MAPK4: variants seen among roughly 807,000 people sequenced by gnomAD.
MAPK4 encodes mitogen-activated protein kinase 4.
A neutral mutation model predicts 47.7 loss-of-function variants in MAPK4; 22 were observed. The observed-to-expected ratio is 0.46, with a 90% CI of 0.33 to 0.66. The LOEUF (loss-of-function observed/expected upper bound fraction) is 0.66, where lower values mean the gene tolerates loss of function less well. Ranked by LOEUF, MAPK4 falls within the 30% of genes least tolerant of loss-of-function variation. The pLI is 0.02. For synonymous variants in MAPK4, 390 were observed against 365.7 expected (o/e 1.07, Z -0.76); for missense variants, 736 against 831.7 (o/e 0.88, Z 1.42).
chr18:50,650,669 A>G (rs1260150469), intron 1 of MAPK4, among the ~76,000 whole-genome samples: 1 of 152,180 alleles, frequency 6.6e-6, no homozygotes, highest in Non-Finnish European at 1.5e-5. Flanking sequence ...CCTCACCAGG[A>G]CAGGGCTAAT....
intron 1 of MAPK4, among the ~76,000 whole-genome samples, chr18:50,607,245 A>G (rs546987570): frequency 1.3e-5 from 2 of 152,326 alleles, no homozygotes; most frequent in South Asian, 4.1e-4. Flanking sequence ...ACCACACGAC[A>G]TGAGTACTGT....
Position 50,729,844 on chromosome 18 carries a change from A to G in MAPK4, c.1754A>G (p.Glu585Gly). ...GTGCAGACCGAGGCCTTCTCCAAAG[A>G]AAGGTGGTGAGGGCGGAGGGGCCGC... ...DLVQTEAFSK[E>G]RW is the part of the protein sequence containing the mutation. Residue 585 changes from glutamate (E) to glycine (G), a missense_variant, in exon 6 of 6, where the codon GAA (glutamate) becomes GGA (glycine). By Grantham distance (98) the Glu-to-Gly change is moderately conservative. This residue lies in a region of MAPK4 where 377 missense variants were observed against 378.6 expected (regional missense o/e 1.00). Transcript: ENST00000400384. 1 of 1,610,396 alleles carries G rather than the reference A, an allele frequency of 6.2e-7. No individual in the cohort carries two copies. The highest frequency in any genetic ancestry group is 8.5e-7 in the Non-Finnish European group (1 of 1,178,570).
intron 2 of MAPK4, among the ~76,000 whole-genome samples, chr18:50,704,343 T>C (rs1480701804): frequency 6.6e-6 from 1 of 152,162 alleles, no homozygotes; most frequent in Non-Finnish European, 1.5e-5. Context: ...ACCCTGTCTC[T>C]ACAGAAAACA....
In MAPK4 at chr18:50,653,232, C is replaced by A. The variant is rs76407655; in HGVS notation, c.-870-9857C>A. On this transcript the variant is annotated intron_variant, in intron 1 of 5. Coordinates refer to ENST00000400384, the MANE Select transcript of MAPK4 (RefSeq NM_002747.4). ...AAGAACCAGGCGAAGAGAAGGTGGG[C>A]AGTTTCCCTAACAAAAGGAACAGGT... Among the ~76,000 whole-genome samples, 483 of 151,902 alleles carry A rather than the reference C, an allele frequency of 3.2e-3. 14 individuals are homozygous for A. In the East Asian group the frequency reaches 0.061, roughly 19 times the overall value.
intron 1 of MAPK4, among the ~76,000 whole-genome samples, chr18:50,649,745 G>A (rs535877849): frequency 6.6e-6 from 1 of 152,292 alleles, no homozygotes; most frequent in South Asian, 2.1e-4. Flanking sequence ...TAAGCCTGCG[G>A]GGTGGCTGAG....
At chr18:50,627,062 C>T (rs2042785251) in intron 1 of MAPK4, among the ~76,000 whole-genome samples, 1 of 129,174 alleles carries the variant, frequency 7.7e-6, no homozygotes, top group African/African-American at 2.8e-5. Context: ...CCCCCGCCCA[C>T]TCATCTTGGC....
At chr18:50,561,570 C>T (rs2042153789) in intron 1 of MAPK4, among the ~76,000 whole-genome samples, 1 of 152,194 alleles carries the variant, frequency 6.6e-6, no homozygotes, top group Non-Finnish European at 1.5e-5. Flanking sequence ...CTACTAAATA[C>T]TAAAGGCTTT....
intron 2 of MAPK4, among the ~76,000 whole-genome samples, chr18:50,695,482 T>G (rs1362492089): frequency 6.6e-6 from 1 of 152,124 alleles, no homozygotes; most frequent in African/African-American, 2.4e-5. Context: ...TTTCTAGCCC[T>G]GTTTTCCCCT....
rs1468378451 is a variant in MAPK4 at position 50,729,707 on chromosome 18, G to T, written c.1617G>T (p.Leu539=). 1 of 1,573,266 alleles carries T rather than the reference G, an allele frequency of 6.4e-7. No homozygotes were observed. The highest frequency in any genetic ancestry group is 1.2e-5 in the South Asian group (1 of 85,650). Residue 539 remains leucine, a synonymous_variant, in exon 6 of 6, where the codon CTG becomes CTT. Transcript: ENST00000400384. ...GCGGCGCCAGCCCCCAGTTCGACCT[G>T]GACGTGTTCATCTCCCGCGCCCTGA... is the stretch of plus-strand genomic sequence containing the variant. ...VDGGASPQFD[L]DVFISRALKL...
chr18:50,578,932 G>A (rs2042320326), intron 1 of MAPK4, among the ~76,000 whole-genome samples: 1 of 152,192 alleles, frequency 6.6e-6, no homozygotes, highest in African/African-American at 2.4e-5. Flanking sequence ...GGAAGGTGGG[G>A]CAGTATCCCT....
intron 1 of MAPK4, among the ~76,000 whole-genome samples, chr18:50,578,882 T>C (rs1282983013): frequency 6.6e-6 from 1 of 152,092 alleles, no homozygotes; most frequent in Non-Finnish European, 1.5e-5. Context: ...GCACGTGATG[T>C]CTGGGAGGAA....
chr18:50,703,534 C>T (rs986288482), intron 2 of MAPK4, among the ~76,000 whole-genome samples: 13 of 152,274 alleles, frequency 8.5e-5, no homozygotes, highest in Middle Eastern at 3.4e-3. Flanking sequence ...ATTCAGCAGG[C>T]GCCATAATAT....
intron 1 of MAPK4, among the ~76,000 whole-genome samples, chr18:50,587,886 G>A (rs9945347): frequency 0.041 from 6,154 of 151,948 alleles, 447 homozygotes; most frequent in African/African-American, 0.14. Context: ...CCACCACCAC[G>A]CCCAGCTCAT....
At chr18:50,582,803 C>T (rs2042357660) in intron 1 of MAPK4, among the ~76,000 whole-genome samples, 1 of 152,238 alleles carries the variant, frequency 6.6e-6, no homozygotes, top group East Asian at 1.9e-4. Context: ...GCACCAGTGT[C>T]TAGATGAGGG....
chr18:50,616,850 C>T (rs986083061), intron 1 of MAPK4, among the ~76,000 whole-genome samples: 4 of 152,232 alleles, frequency 2.6e-5, no homozygotes, highest in Admixed American at 1.3e-4. Flanking sequence ...GACGGTTCTG[C>T]CTTTCCCGGT....
At chr18:50,598,105 A>G (rs1568039573) in intron 1 of MAPK4, among the ~76,000 whole-genome samples, 1 of 152,180 alleles carries the variant, frequency 6.6e-6, no homozygotes, top group Non-Finnish European at 1.5e-5. Context: ...TCCAACCACT[A>G]CCACAACACC....
At chr18:50,607,390 T>G (rs1382363932) in intron 1 of MAPK4, among the ~76,000 whole-genome samples, 1 of 152,212 alleles carries the variant, frequency 6.6e-6, no homozygotes, top group Admixed American at 6.5e-5. Context: ...CTAAAGTTCT[T>G]CAGCTCTGTG....
intron 1 of MAPK4, among the ~76,000 whole-genome samples, chr18:50,567,710 A>G (rs1033820114): frequency 1.3e-5 from 2 of 148,382 alleles, no homozygotes; most frequent in Non-Finnish European, 3.0e-5. Flanking sequence ...ACATTTTTCT[A>G]TAGAATTTTT....
chr18:50,612,114 G>C (rs1238924239), intron 1 of MAPK4, among the ~76,000 whole-genome samples: 1 of 152,200 alleles, frequency 6.6e-6, no homozygotes, highest in African/African-American at 2.4e-5. Flanking sequence ...TCTGACCTTA[G>C]ATTAGTTTTG....
Sources: gnomAD v4.1 joint callset for allele counts (sites outside exome capture counted in the v4.1 genomes callset) on GRCh38, gnomAD v4.1.1 for gene constraint, gnomAD v4.1.1 regional missense constraint, MANE v1.5 for transcripts, NCBI Gene and HGNC (gene_info 2026-07-23, HGNC 2026-07-21) for gene names.